MAG: variants seen among roughly 807,000 people sequenced by gnomAD.
The protein encoded by MAG is myelin-associated glycoprotein.
Under a neutral mutation model 60.7 loss-of-function variants are expected in MAG, and 30 were observed. The observed-to-expected ratio is 0.49, with a 90% CI of 0.37 to 0.67. The LOEUF is 0.67. Among genes scored for constraint, MAG ranks in the 30% least tolerant of loss-of-function variants. The pLI, the probability that MAG is intolerant of heterozygous loss-of-function variation, is 0.00. For synonymous variants in MAG, 384 were observed against 376.8 expected, an observed-to-expected ratio of 1.02 and a Z score of -0.22; for missense variants, 795 against 851.7, an observed-to-expected ratio of 0.93 and a Z score of 0.83.
At chr19:35,294,472 G>A (rs191663162) in intron 2 of MAG, among the ~76,000 whole-genome samples, 182 bp downstream of exon 2, 1 of 152,326 alleles carries the variant, frequency 6.6e-6, no homozygotes. Flanking sequence ...CCAACTGTGT[G>A]GCCTTGGGCG....
chr19:35,300,207 G>C lies in MAG; in HGVS notation c.773G>C (p.Ser258Thr). The change falls in exon 6 of 11, where the codon AGC (serine) becomes ACC (threonine). Residue 258 changes from serine to threonine, a missense_variant. Coordinates refer to ENST00000392213, the MANE Select transcript of MAG (RefSeq NM_002361.4). ...SVEAIEGSHV[S>T]LLCGADSNPP... ...GAGGCCATCGAGGGCTCCCACGTGA[G>C]CCTGCTCTGTGGGGCTGACAGCAAC... The C allele has an allele frequency of 6.3e-7, 1 of 1,581,276 alleles. No homozygotes were observed. The highest frequency in any genetic ancestry group is 1.1e-5 in the South Asian group (1 of 89,096).
At chr19:35,310,876 A>G (rs983321114) in intron 9 of MAG, among the ~76,000 whole-genome samples, 1 of 152,034 alleles carries the variant, frequency 6.6e-6, no homozygotes, top group African/African-American at 2.4e-5. Context: ...ATCATTTGAG[A>G]CCTGTTTGCC....
intron 7 of MAG, among the ~76,000 whole-genome samples, chr19:35,304,235 G>A (rs539458677): frequency 4.6e-5 from 7 of 152,182 alleles, no homozygotes; most frequent in Admixed American, 6.5e-5. Context: ...ATCCTGGCGC[G>A]GGGCTGCGTG....
chr19:35,300,062 G>T (rs2066436283), intron 5 of MAG, 85 bp from the exon 6 acceptor site: 2 of 1,400,218 alleles, frequency 1.4e-6, no homozygotes, highest in Non-Finnish European at 1.9e-6. Flanking sequence ...GCCGGACAGT[G>T]TTGGGGGCGG....
chr19:35,305,049 G>A (rs1599654620), intron 7 of MAG, among the ~76,000 whole-genome samples: 2 of 152,116 alleles, frequency 1.3e-5, no homozygotes, highest in Non-Finnish European at 2.9e-5. Context: ...TAGCACTCTA[G>A]GACTCAATCC....
chr19:35,305,627 T>C (rs1377439212), intron 7 of MAG, among the ~76,000 whole-genome samples: 1 of 152,144 alleles, frequency 6.6e-6, no homozygotes, highest in Non-Finnish European at 1.5e-5. Flanking sequence ...CAAGGGTTCA[T>C]AACAGTATCT....
At chr19:35,308,847 G>A (rs947719068) in intron 7 of MAG, among the ~76,000 whole-genome samples, 2 of 151,894 alleles carry the variant, frequency 1.3e-5, no homozygotes, top group African/African-American at 4.8e-5. Flanking sequence ...GGGCGCAGTG[G>A]CTTATGCCTG....
chr19:35,297,620 T>TGCACACACTACCCACACACC (rs1407864134), intron 4 of MAG, among the ~76,000 whole-genome samples: 2 of 101,788 alleles, frequency 2.0e-5, no homozygotes, highest in Non-Finnish European at 4.0e-5. Context: ...CACCACACAC[T>TGCACACACTACCCACACACC]GCACACACTA....
intron 7 of MAG, among the ~76,000 whole-genome samples, chr19:35,303,255 G>A (rs1409722250): frequency 6.6e-6 from 1 of 152,120 alleles, no homozygotes; most frequent in Non-Finnish European, 1.5e-5. Context: ...GAAATTTCTG[G>A]ATCCTGTGGC....
At chr19:35,297,757 C>T (rs1031908891) in intron 4 of MAG, among the ~76,000 whole-genome samples, 14 of 143,690 alleles carry the variant, frequency 9.7e-5, no homozygotes, top group Admixed American at 7.7e-4. Context: ...CACACTACAC[C>T]CTATATACAC....
chr19:35,295,776 C>A lies in MAG; in HGVS notation c.210C>A (p.Pro70=), dbSNP rs201989331. The A allele has an allele frequency of 1.2e-6, 2 of 1,613,902 alleles. No individual in the cohort carries two copies. Among genetic ancestry groups the A allele is most frequent in the African/African-American group, 1.3e-5 (1 of 74,916 alleles). The change falls in exon 4 of 11, where the codon CCC becomes CCA. Residue 70 remains proline (P), a synonymous_variant. Transcript: ENST00000392213. The surrounding 1 kb of genome is among the most constrained non-coding windows in gnomAD (Gnocchi z 5.8). ...ATAGCCCCTACCCCAAGAACTACCC[C>A]CCGGTGGTCTTCAAGTCGCGCACCC... The part of the protein sequence containing the change: ...YFNSPYPKNY[P]PVVFKSRTQV...
chr19:35,312,281 T>C, intron 10 of MAG: 1 of 1,613,588 alleles, frequency 6.2e-7, no homozygotes, highest in Non-Finnish European at 8.5e-7. Context: ...TCTCCAATAG[T>C]CCAAAGAGGT....
chr19:35,304,603 C>A lies in MAG; in HGVS notation c.1231+1895C>A, dbSNP rs369395357. Among the ~76,000 whole-genome samples, 4 of 152,178 alleles carry A rather than the reference C, an allele frequency of 2.6e-5. No individual in the cohort carries two copies. In the South Asian group the frequency reaches 8.3e-4, roughly 32 times the overall value. ...TCACCCAGGCCAGAGTGCAGTGGCA[C>A]GATCTTGGCTCACTGCAACCTCTGC... On this transcript the variant is annotated intron_variant, in intron 7 of 10. Coordinates refer to ENST00000392213, the MANE Select transcript of MAG (RefSeq NM_002361.4).
intron 9 of MAG, among the ~76,000 whole-genome samples, chr19:35,311,294 C>A (rs762481462): frequency 6.6e-6 from 1 of 151,786 alleles, no homozygotes; most frequent in Non-Finnish European, 1.5e-5. Context: ...ATAGGGAGAC[C>A]CCATCTACAA....
At chr19:35,303,386 A>T (rs761425470) in intron 7 of MAG, among the ~76,000 whole-genome samples, 6 of 152,194 alleles carry the variant, frequency 3.9e-5, no homozygotes, top group Non-Finnish European at 7.3e-5. Flanking sequence ...TCCTCATGAC[A>T]TCTTCATGAG....
At position 35,312,024 on chromosome 19, in the gene MAG, A is replaced by T; in HGVS notation, c.1716+7A>T. On this transcript the variant is annotated splice_region_variant and intron_variant, in intron 10 of 10. Coordinates refer to ENST00000392213, the MANE Select transcript of MAG (RefSeq NM_002361.4). ...GGCACCAGAGAAGTACGAGGTAAGG[A>T]CCAGGCTCCAGGCTGGCCTGGGAAC... 6.2e-7 allele frequency: 1 copy of T among 1,610,588 alleles called. No homozygotes were observed. Among genetic ancestry groups the T allele is most frequent in the Non-Finnish European group, 8.5e-7 (1 of 1,178,268 alleles).
chr19:35,309,044 G>A (rs1210284510), intron 7 of MAG, among the ~76,000 whole-genome samples: 2 of 152,220 alleles, frequency 1.3e-5, no homozygotes, highest in African/African-American at 4.8e-5. Context: ...TTTGAGCAGA[G>A]AGTGCCATGA....
At chr19:35,306,814 AC>A (rs1328421600) in intron 7 of MAG, among the ~76,000 whole-genome samples, 2 of 151,476 alleles carry the variant, frequency 1.3e-5, no homozygotes, top group African/African-American at 2.4e-5. Flanking sequence ...ACTGACTGTA[AC>A]CCCCTGGTTT....
At position 35,313,365 on chromosome 19, in the gene MAG, T is replaced by G. The variant is rs781652816; in HGVS notation, c.1792T>G (p.Ser598Ala). The G allele has an allele frequency of 6.2e-7, 1 of 1,614,108 alleles. No homozygotes were observed. The highest frequency in any genetic ancestry group is 8.5e-7 in the Non-Finnish European group (1 of 1,179,996). The stretch of plus-strand genomic sequence containing the variant: ...GCCCCCAGAGCTGGACCTGAGCTAT[T>G]CTCACTCGGACCTGGGGAAACGGCC... ...GEPPELDLSY[S>A]HSDLGKRPTK... The change falls in exon 11 of 11, where the codon TCT becomes GCT. Residue 598 changes from serine (S) to alanine (A), a missense_variant. Physicochemically the swap from Ser to Ala is moderately conservative, Grantham distance 99. Transcript: ENST00000392213.
Sources: allele counts gnomAD v4.1 joint callset (sites outside exome capture counted in the v4.1 genomes callset), GRCh38; gene constraint gnomAD v4.1.1; non-coding constraint Gnocchi (gnomAD v3.1); transcripts MANE v1.5; gene names NCBI Gene and HGNC (gene_info 2026-07-23, HGNC 2026-07-21).